The following RARB variants were observed in gnomAD, a reference collection of about 807,000 sequenced individuals.
RARB encodes the protein retinoic acid receptor beta.
In RARB, 17 loss-of-function variants were observed where a neutral mutation model predicts 51.9. That is an observed-to-expected ratio of 0.33 (90% confidence interval 0.22 to 0.49). The LOEUF (loss-of-function observed/expected upper bound fraction) is 0.49. Ranked by LOEUF, RARB falls within the 20% of genes least tolerant of loss-of-function variation. The pLI is 0.99. For missense variants in RARB, 369 were observed against 550.8 expected, an observed-to-expected ratio of 0.67 and a Z score of 3.30; for synonymous variants, 215 against 195.4, an observed-to-expected ratio of 1.10 and a Z score of -0.84.
At chr3:25,554,562 GA>G (rs1176209198) in intron 3 of RARB, among the ~76,000 whole-genome samples, 2 of 152,098 alleles carry the variant, frequency 1.3e-5, no homozygotes, top group Admixed American at 6.6e-5. Flanking sequence ...CCTATTAGGA[GA>G]AAAATTTGCC....
At chr3:25,511,082 TACAA>T (rs1229198272) in intron 3 of RARB, among the ~76,000 whole-genome samples, 1 of 152,242 alleles carries the variant, frequency 6.6e-6, no homozygotes, top group Non-Finnish European at 1.5e-5. Context: ...AATAAAACTT[TACAA>T]ACACAGTCAC....
At chr3:24,887,434 T>C (rs1310429626) in intron 2 of RARB, among the ~76,000 whole-genome samples, 1 of 152,228 alleles carries the variant, frequency 6.6e-6, no homozygotes, top group Non-Finnish European at 1.5e-5. Context: ...CTTCTCTGTC[T>C]CAATGCTCCT....
intron 3 of RARB, among the ~76,000 whole-genome samples, chr3:25,550,396 C>G (rs1699800690): frequency 6.6e-6 from 1 of 152,084 alleles, no homozygotes; most frequent in Non-Finnish European, 1.5e-5. Flanking sequence ...AGTCCAAGAT[C>G]AAGGCACCAG....
At chr3:25,505,268 G>A (rs960284540) in intron 3 of RARB, among the ~76,000 whole-genome samples, 2 of 152,134 alleles carry the variant, frequency 1.3e-5, no homozygotes, top group Non-Finnish European at 2.9e-5. Flanking sequence ...GAACCAGGCA[G>A]TTTGATGAGA....
intron 2 of RARB, among the ~76,000 whole-genome samples, chr3:24,903,764 A>G (rs1035110702): frequency 6.6e-5 from 10 of 152,204 alleles, no homozygotes; most frequent in African/African-American, 4.8e-5. Flanking sequence ...TCTGAGAAAC[A>G]TTAATACTTT....
intron 1 of RARB, among the ~76,000 whole-genome samples, chr3:25,450,341 A>G (rs1575415440): frequency 1.3e-5 from 2 of 152,200 alleles, no homozygotes; most frequent in East Asian, 3.8e-4. Context: ...ACATGTTTTT[A>G]TACTTTTTAT....
At chr3:25,314,683 A>T (rs781755237) in intron 5 of RARB, among the ~76,000 whole-genome samples, 10 of 151,750 alleles carry the variant, frequency 6.6e-5, no homozygotes, top group Admixed American at 6.6e-4. Context: ...TCATTTTTTA[A>T]TTTTTTAAAA....
chr3:25,559,457 A>G (rs1419424669), intron 3 of RARB, among the ~76,000 whole-genome samples: 2 of 152,230 alleles, frequency 1.3e-5, no homozygotes, highest in Non-Finnish European at 2.9e-5. Context: ...CTTGAGTCTA[A>G]GAATGAATAT....
chr3:25,412,379 C>T (rs1347488117), intron 5 of RARB, among the ~76,000 whole-genome samples: 1 of 152,040 alleles, frequency 6.6e-6, no homozygotes, highest in Non-Finnish European at 1.5e-5. Context: ...CAGTTTCATC[C>T]AAATGCTCTT....
chr3:25,120,440 C>T (rs1374865513), intron 3 of RARB, among the ~76,000 whole-genome samples: 1 of 151,628 alleles, frequency 6.6e-6, no homozygotes, highest in East Asian at 1.9e-4. Flanking sequence ...TTTAATATCT[C>T]TAGTTATAAA....
rs1006099489 is a variant in RARB, at chr3:25,241,704, C to T, written c.178+67129C>T. On this transcript the variant is annotated intron_variant, in intron 5 of 11. Coordinates refer to the RARB transcript ENST00000383772. ...TTTATATGTGCCACATTTTCTTTAT[C>T]CAGTCTAACATTGATCGGCATTTGG... is the stretch of plus-strand genomic sequence containing the variant. 3.9e-5 allele frequency among the ~76,000 whole-genome samples: 6 copies of T among 152,138 alleles called. No homozygotes were observed. The East Asian group carries it at 1.2e-3, about 29-fold the overall frequency.
intron 5 of RARB, among the ~76,000 whole-genome samples, chr3:25,262,959 CT>C (rs1250719666): frequency 3.9e-5 from 6 of 152,068 alleles, no homozygotes; most frequent in African/African-American, 1.4e-4. Flanking sequence ...GTCTTAAGGT[CT>C]TTCTCATTTT....
chr3:24,955,478 A>G (rs1402648576), intron 2 of RARB, among the ~76,000 whole-genome samples: 1 of 152,118 alleles, frequency 6.6e-6, no homozygotes, highest in Non-Finnish European at 1.5e-5. Context: ...TTGCCAGGGA[A>G]CCACACTCTT....
At chr3:25,028,235 T>G (rs998857450) in intron 2 of RARB, among the ~76,000 whole-genome samples, 1 of 152,182 alleles carries the variant, frequency 6.6e-6, no homozygotes, top group Non-Finnish European at 1.5e-5. Flanking sequence ...AGGATAATCT[T>G]TGTAAATGAG....
At chr3:25,248,622 G>A (rs779579949) in intron 5 of RARB, among the ~76,000 whole-genome samples, 5 of 152,078 alleles carry the variant, frequency 3.3e-5, no homozygotes, top group Non-Finnish European at 7.4e-5. Context: ...ATTTTTTACA[G>A]GACAATACTA....
rs561783745 is a variant in RARB, at chr3:25,314,214, G to T, written c.178+139639G>T. ...TCATATTTTATTAGTTAACTGTTGA[G>T]ATATATCTCATAATATTTTCCTAGA... On this transcript the variant is annotated intron_variant, in intron 5 of 11. Transcript: ENST00000383772. 3.2e-4 allele frequency among the ~76,000 whole-genome samples: 48 copies of T among 152,242 alleles called. No homozygotes were observed. In the South Asian group the frequency reaches 1.0e-2, roughly 32 times the overall value.
At chr3:25,081,057 T>C (rs182037198) in intron 3 of RARB, among the ~76,000 whole-genome samples, 68 of 152,278 alleles carry the variant, frequency 4.5e-4, no homozygotes, top group African/African-American at 1.5e-3. Flanking sequence ...TTTGCTCTTC[T>C]TTGCTCTCTC....
At chr3:25,284,348 CTA>C (rs1559343741) in intron 5 of RARB, among the ~76,000 whole-genome samples, 2 of 152,038 alleles carry the variant, frequency 1.3e-5, no homozygotes, top group Non-Finnish European at 2.9e-5. Context: ...CCTGAAGAAA[CTA>C]TGAAATAATA....
chr3:25,300,167 G>T (rs1320080021), intron 5 of RARB, among the ~76,000 whole-genome samples: 1 of 152,206 alleles, frequency 6.6e-6, no homozygotes, highest in Admixed American at 6.5e-5. Flanking sequence ...CTGCTGCCAT[G>T]TGTCTGATAA....
Sources: allele counts gnomAD v4.1 joint callset (sites outside exome capture counted in the v4.1 genomes callset), GRCh38; gene constraint gnomAD v4.1.1; transcripts MANE v1.5; gene names NCBI Gene and HGNC (gene_info 2026-07-23, HGNC 2026-07-21).